Variants in CRYBG1 observed in about 807,000 individuals in gnomAD.
The protein encoded by CRYBG1 is crystallin beta-gamma domain containing 1, also known as beta/gamma crystallin domain-containing protein 1.
Under a neutral mutation model 189.2 loss-of-function variants are expected in CRYBG1, and 139 were observed. The ratio of observed to expected loss-of-function variants is 0.73; its 90% CI spans 0.64 to 0.85. The LOEUF is 0.85. Among genes scored for constraint, CRYBG1 ranks in the 40% least tolerant of loss-of-function variants. The pLI is 0.00. For synonymous variants in CRYBG1, 1,023 were observed against 1,017.1 expected, an observed-to-expected ratio of 1.01 and a Z score of -0.11; for missense variants, 2,611 against 2,675.8, an observed-to-expected ratio of 0.98 and a Z score of 0.53.
chr6:106,512,818 C>T lies in CRYBG1; in HGVS notation c.1701C>T (p.Ile567=). 1 of 1,575,212 alleles carries T rather than the reference C, an allele frequency of 6.3e-7. No individual in the cohort carries two copies. The highest frequency in any genetic ancestry group is 8.6e-7 in the Non-Finnish European group (1 of 1,160,224). The change falls in exon 3 of 22, where the codon ATC becomes ATT. Residue 567 remains isoleucine, a synonymous_variant. Transcript: ENST00000633556. The stretch of plus-strand genomic sequence containing the variant: ...GCGGGGAGGAGGCGGCGCGGGCCAT[C>T]CCCCGCGAGCTCCCGGTCAAGAGCA... ...AESGEEAARA[I]PRELPVKSSS... is the part of the protein sequence containing the mutation.
intron 1 of CRYBG1, among the ~76,000 whole-genome samples, chr6:106,421,045 A>G (rs1166904734): frequency 6.6e-6 from 1 of 152,050 alleles, no homozygotes; most frequent in Non-Finnish European, 1.5e-5. Flanking sequence ...AGGATTCCTG[A>G]GGGTATGGGT....
At chr6:106,399,020 T>A (rs1326504640) in intron 1 of CRYBG1, among the ~76,000 whole-genome samples, 1 of 152,224 alleles carries the variant, frequency 6.6e-6, no homozygotes, top group Non-Finnish European at 1.5e-5. Flanking sequence ...TATTAAGAAC[T>A]ACAGTTTACC....
intron 12 of CRYBG1, 25 bp from the exon 13 acceptor site, chr6:106,544,763 A>T: frequency 1.2e-6 from 2 of 1,602,686 alleles, no homozygotes; most frequent in Non-Finnish European, 1.7e-6. Flanking sequence ...CTAGCCTTTG[A>T]ATTTTGAATT....
chr6:106,426,733 G>GGAA (rs1771232988), intron 1 of CRYBG1, among the ~76,000 whole-genome samples: 1 of 152,170 alleles, frequency 6.6e-6, no homozygotes, highest in South Asian at 2.1e-4. Context: ...CCTAAGAGGA[G>GGAA]GAAGAATGCA....
At chr6:106,558,898 G>A (rs1441272348) in intron 18 of CRYBG1, among the ~76,000 whole-genome samples, 1 of 152,168 alleles carries the variant, frequency 6.6e-6, no homozygotes, top group Non-Finnish European at 1.5e-5. Context: ...AGTAGGTTGA[G>A]GCTGCAGTGA....
chr6:106,550,940 T>G (rs528799325), intron 13 of CRYBG1, among the ~76,000 whole-genome samples: 9 of 152,304 alleles, frequency 5.9e-5, no homozygotes, highest in African/African-American at 2.2e-4. Context: ...CGCCAAAAAG[T>G]TCATGTCAAG....
At chr6:106,440,001 T>C (rs556603233) in intron 1 of CRYBG1, among the ~76,000 whole-genome samples, 4 of 152,348 alleles carry the variant, frequency 2.6e-5, no homozygotes, top group African/African-American at 9.6e-5. Flanking sequence ...CCCTGCATTA[T>C]GCACATCCTT....
intron 8 of CRYBG1, among the ~76,000 whole-genome samples, chr6:106,533,770 A>T (rs142271956): frequency 2.6e-5 from 4 of 152,334 alleles, no homozygotes; most frequent in African/African-American, 9.6e-5. Flanking sequence ...TCAGGAGCTC[A>T]GTTTTGGACA....
At chr6:106,489,684 C>T (rs117978871) in intron 2 of CRYBG1, among the ~76,000 whole-genome samples, 16,075 of 120,344 alleles carry the variant, frequency 0.13, 1,095 homozygotes, top group Middle Eastern at 0.18. Context: ...AAAAATTAGC[C>T]GGGGGCGGTA....
At chr6:106,517,453 C>CATAT (rs1219730309) in intron 3 of CRYBG1, among the ~76,000 whole-genome samples, 3 of 101,114 alleles carry the variant, frequency 3.0e-5, no homozygotes, top group African/African-American at 9.5e-5. Flanking sequence ...TATATACACA[C>CATAT]ATATATATAT....
Position 106,519,899 on chromosome 6 carries a change from C to T in CRYBG1, c.2691C>T (p.Phe897=), listed in dbSNP as rs1435201947. The change falls in exon 4 of 22, where the codon TTC becomes TTT. Residue 897 remains phenylalanine (F), a synonymous_variant. Transcript: ENST00000633556. ...GTGTTCAATCACCCATAAGCAGTTT[C>T]CCATGCACTGATCTAAAAGTGTCAG... ...DTCVQSPISS[F]PCTDLKVSEN... 1 of 1,614,046 alleles carries T rather than the reference C, an allele frequency of 6.2e-7. No homozygotes were observed. The highest frequency in any genetic ancestry group is 1.3e-5 in the African/African-American group (1 of 74,912).
rs753101724 is a variant in CRYBG1 at position 106,519,905 on chromosome 6, C to A, written c.2697C>A (p.Cys899Ter). ...CVQSPISSFP[C>*]TDLKVSENHK... ...AATCACCCATAAGCAGTTTCCCATG[C>A]ACTGATCTAAAAGTGTCAGAAAACC... The change falls in exon 4 of 22, where the codon TGC becomes TGA. Residue 899 changes from cysteine to a stop codon, truncating the protein, a stop_gained. Transcript: ENST00000633556. LOFTEE classifies it high-confidence loss of function. 1 of 1,614,180 alleles carries A rather than the reference C, an allele frequency of 6.2e-7. No homozygotes were observed. Among genetic ancestry groups the A allele is most frequent in the Non-Finnish European group, 8.5e-7 (1 of 1,180,024 alleles).
intron 1 of CRYBG1, among the ~76,000 whole-genome samples, chr6:106,365,474 A>C (rs1449169856): frequency 3.3e-5 from 5 of 150,142 alleles, no homozygotes; most frequent in Non-Finnish European, 7.4e-5. Flanking sequence ...ACATAAATAG[A>C]GACAGGGTCT....
chr6:106,371,011 C>G (rs1428409652), intron 1 of CRYBG1, among the ~76,000 whole-genome samples: 2 of 152,038 alleles, frequency 1.3e-5, no homozygotes, highest in Non-Finnish European at 2.9e-5. Context: ...CTAAAAAAAG[C>G]CAACAAAAAT....
rs1562118137 is a variant in CRYBG1, at chr6:106,555,910, T to C, written c.5715+13T>C. On this transcript the variant is annotated intron_variant, in intron 17 of 21. Coordinates refer to ENST00000633556, the MANE Select transcript of CRYBG1 (RefSeq NM_001371242.2). ...TTTTATAGATGTTGTAAGTATGTCA[T>C]TGTGAATAGTGTTGCAGAAATGTAT... is the stretch of plus-strand genomic sequence containing the variant. 2 of 1,614,132 alleles carry C rather than the reference T, an allele frequency of 1.2e-6. No homozygotes were observed. The highest frequency in any genetic ancestry group is 8.5e-7 in the Non-Finnish European group (1 of 1,179,960).
intron 6 of CRYBG1, among the ~76,000 whole-genome samples, chr6:106,525,665 G>A (rs1184111017): frequency 2.0e-5 from 3 of 152,108 alleles, no homozygotes; most frequent in Non-Finnish European, 4.4e-5. Context: ...TTTTGGACTA[G>A]TCATATATCA....
chr6:106,506,616 C>A (rs1011018713), intron 2 of CRYBG1, among the ~76,000 whole-genome samples: 1 of 151,910 alleles, frequency 6.6e-6, no homozygotes, highest in Non-Finnish European at 1.5e-5. Context: ...CCATGCCCAG[C>A]TAATTTTTGT....
intron 16 of CRYBG1, 94 bp from the exon 17 acceptor site, chr6:106,555,674 A>T: frequency 6.9e-7 from 1 of 1,442,494 alleles, no homozygotes; most frequent in East Asian, 2.3e-5. Context: ...CATTGTGTTT[A>T]TTTTATAGCA....
At chr6:106,388,593 C>T (rs531975769) in intron 1 of CRYBG1, among the ~76,000 whole-genome samples, 3 of 152,266 alleles carry the variant, frequency 2.0e-5, no homozygotes, top group South Asian at 2.1e-4. Context: ...AAAAGGGGAA[C>T]ATACTTCAGT....
Sources: gnomAD v4.1 joint callset for allele counts (sites outside exome capture counted in the v4.1 genomes callset) on GRCh38, gnomAD v4.1.1 for gene constraint, MANE v1.5 for transcripts, NCBI Gene and HGNC (gene_info 2026-07-23, HGNC 2026-07-21) for gene names.